Variants in ASB2 observed in about 807,000 individuals in gnomAD.
ASB2 encodes ankyrin repeat and SOCS box containing 2, also known as ankyrin repeat and SOCS box protein 2.
A neutral mutation model predicts 62.4 loss-of-function variants in ASB2; 58 were observed. That is an observed-to-expected ratio of 0.93 (90% confidence interval 0.75 to 1.16). ASB2 has a LOEUF of 1.16. Among genes scored for constraint, ASB2 ranks in the 50% most tolerant of loss-of-function variants. ASB2 has a pLI of 0.00. For missense variants in ASB2, 928 were observed against 887.9 expected, an observed-to-expected ratio of 1.05 and a Z score of -0.57; for synonymous variants, 386 against 385.3, an observed-to-expected ratio of 1.00 and a Z score of -0.02.
intron 1 of ASB2, among the ~76,000 whole-genome samples, chr14:93,974,812 G>C (rs890517792): frequency 1.3e-5 from 2 of 152,234 alleles, no homozygotes; most frequent in Non-Finnish European, 2.9e-5. Context: ...AGAGAAATCT[G>C]CACACAAGCT....
chr14:93,937,627 C>T (rs56003871), intron 9 of ASB2, 71 bp downstream of exon 9: 326,835 of 1,496,392 alleles, frequency 0.22, 40,428 homozygotes, highest in East Asian at 0.56. Flanking sequence ...AACAGTCGCA[C>T]TCCCTGAGGC....
chr14:93,937,143 C>G (rs766686187), intron 9 of ASB2, among the ~76,000 whole-genome samples: 1 of 152,208 alleles, frequency 6.6e-6, no homozygotes, highest in Admixed American at 6.5e-5. Flanking sequence ...GCAAGGCTGG[C>G]TCCAGGGTTC....
chr14:93,937,780 G>A lies in ASB2; in HGVS notation c.1689C>T (p.Tyr563=). The change falls in exon 9 of 10, where the codon TAC becomes TAT. Residue 563 remains tyrosine (Y), a synonymous_variant. Coordinates refer to ENST00000555019, the MANE Select transcript of ASB2 (RefSeq NM_001202429.2). ...AGPIIDVLLD[Y]VGNVQLCSRL... ...GCGAGCAGAGCTGCACGTTGCCCAC[G>A]TAGTCCAGGAGGACATCGATGATGG... 2 of 1,613,350 alleles carry A rather than the reference G, an allele frequency of 1.2e-6. No individual in the cohort carries two copies. Among genetic ancestry groups the A allele is most frequent in the Non-Finnish European group, 1.7e-6 (2 of 1,179,366 alleles).
chr14:93,935,926 A>T (rs936833618), intron 9 of ASB2, among the ~76,000 whole-genome samples: 1 of 152,276 alleles, frequency 6.6e-6, no homozygotes, highest in South Asian at 2.1e-4. Flanking sequence ...TGGATAAAAA[A>T]TAATGTGGTT....
At chr14:93,941,015 T>G (rs970614396) in intron 7 of ASB2, among the ~76,000 whole-genome samples, 1 of 152,208 alleles carries the variant, frequency 6.6e-6, no homozygotes, top group Admixed American at 6.5e-5. Flanking sequence ...CTTCATAATG[T>G]GTTAACTTGC....
In ASB2 at chr14:93,953,880, C is replaced by T. The variant is rs1159451635; in HGVS notation, c.479-373G>A. Among the ~76,000 whole-genome samples, 12 of 152,320 alleles carry T rather than the reference C, an allele frequency of 7.9e-5. No homozygotes were observed. The East Asian group carries it at 2.1e-3, about 27-fold the overall frequency. On this transcript the variant is annotated intron_variant, in intron 4 of 9. Transcript: ENST00000555019. ...TCAGGGCAGAGGTGACACCTGCCTGCAGGAGTTGCCCTTCTGAACCTGGCT... is the reference window on the plus strand; with the variant it reads ...TCAGGGCAGAGGTGACACCTGCCTGTAGGAGTTGCCCTTCTGAACCTGGCT...
At chr14:93,946,369 C>T (rs1269610602) in intron 7 of ASB2, among the ~76,000 whole-genome samples, 1 of 152,238 alleles carries the variant, frequency 6.6e-6, no homozygotes, top group African/African-American at 2.4e-5. Flanking sequence ...TGGAGCTTCA[C>T]CTCTGCGGCC....
chr14:93,943,370 C>T (rs1239670863), intron 7 of ASB2, among the ~76,000 whole-genome samples: 4 of 152,298 alleles, frequency 2.6e-5, no homozygotes, highest in South Asian at 2.1e-4. Context: ...GAGGGCCGGG[C>T]GCGGTGGCTC....
At chr14:93,961,088 C>T (rs1172003611) in intron 2 of ASB2, among the ~76,000 whole-genome samples, 1 of 152,168 alleles carries the variant, frequency 6.6e-6, no homozygotes, top group Non-Finnish European at 1.5e-5. Context: ...GTCTGTGAAG[C>T]AGAGGCCATC....
intron 9 of ASB2, 136 bp from the exon 10 acceptor site, chr14:93,934,928 C>T: frequency 1.4e-6 from 1 of 692,082 alleles, no homozygotes; most frequent in South Asian, 1.7e-5. Context: ...TGCTGGTCAC[C>T]CCAGTCCCTG....
At chr14:93,968,059 C>T (rs1889646731) in intron 1 of ASB2, among the ~76,000 whole-genome samples, 1 of 152,244 alleles carries the variant, frequency 6.6e-6, no homozygotes, top group Non-Finnish European at 1.5e-5. Context: ...CAGGCAGCTG[C>T]TGGCCCTGCA....
At position 93,934,397 on chromosome 14, in the gene ASB2, T is replaced by C. The variant is rs1291683584; in HGVS notation, c.*259A>G. The C allele has an allele frequency of 2.0e-6, 1 of 490,924 alleles. No individual in the cohort carries two copies. Among genetic ancestry groups the C allele is most frequent in the Admixed American group, 3.3e-5 (1 of 30,390 alleles). The allele number at this position is 490,924 out of a possible 1,614,324, so 30.4% of individuals were successfully genotyped here. On this transcript the variant is annotated 3_prime_UTR_variant, in exon 10 of 10. Coordinates refer to ENST00000555019, the MANE Select transcript of ASB2 (RefSeq NM_001202429.2). ...GCCCCAGGAATAGAGGTTTCTGCCA[T>C]TCCTGAAGGTAGAGAAGGTCTGGGA...
chr14:93,951,824 G>A (rs1398320742), intron 5 of ASB2, among the ~76,000 whole-genome samples: 2 of 152,198 alleles, frequency 1.3e-5, no homozygotes, highest in Non-Finnish European at 2.9e-5. Flanking sequence ...TCCAGCAAAG[G>A]CTACTAATTT....
chr14:93,956,286 T>TAAAC (rs1889198652), intron 3 of ASB2, among the ~76,000 whole-genome samples: 1 of 152,120 alleles, frequency 6.6e-6, no homozygotes, highest in Non-Finnish European at 1.5e-5. Flanking sequence ...TAAGGGCAAA[T>TAAAC]AAACAAAACA....
intron 1 of ASB2, among the ~76,000 whole-genome samples, chr14:93,972,760 T>C (rs1417891443): frequency 6.6e-6 from 1 of 152,188 alleles, no homozygotes; most frequent in Non-Finnish European, 1.5e-5. Flanking sequence ...TTGACCCCTA[T>C]GAGTGGCCAA....
In ASB2 at chr14:93,955,985, A is replaced by G. The variant is rs182404004; in HGVS notation, c.311+781T>C. On this transcript the variant is annotated intron_variant, in intron 3 of 9. Transcript: ENST00000555019. Reference sequence around the variant, plus strand: ...ACCACTCCACACACCCACCACACCAAGGAAGTGGAGGGCGACAGGATTTGA... The same window carrying G: ...ACCACTCCACACACCCACCACACCAGGGAAGTGGAGGGCGACAGGATTTGA... 2.6e-3 allele frequency among the ~76,000 whole-genome samples: 395 copies of G among 152,266 alleles called. 2 individuals are homozygous for G. Among genetic ancestry groups the G allele is most frequent in the Middle Eastern group, 0.014 (4 of 294 alleles).
intron 1 of ASB2, among the ~76,000 whole-genome samples, chr14:93,971,595 T>C (rs1889757650): frequency 6.6e-6 from 1 of 152,242 alleles, no homozygotes; most frequent in South Asian, 2.1e-4. Flanking sequence ...CAGATCCATG[T>C]GTCACCCTCA....
chr14:93,954,283 C>G, intron 4 of ASB2, 34 bp downstream of exon 4: 1 of 1,592,606 alleles, frequency 6.3e-7, no homozygotes, highest in Non-Finnish European at 8.6e-7. Context: ...AGTCCCTTTC[C>G]CACCTCTTGC....
At position 93,937,837 on chromosome 14, in the gene ASB2, T is replaced by C. The variant is rs1430603467; in HGVS notation, c.1632A>G (p.Val544=). The change falls in exon 9 of 10, where the codon GTA becomes GTG. Residue 544 remains valine, a synonymous_variant. Coordinates refer to ENST00000555019, the MANE Select transcript of ASB2 (RefSeq NM_001202429.2). ...CCCAGCGGCTCACCTCTGGGGCAGA[T>C]ACGAACTCACAGAACTGAAAGAGAA... is the stretch of plus-strand genomic sequence containing the variant. The part of the protein sequence containing the change: ...EPSVVQFCEF[V]SAPEVSRWAG... The C allele has an allele frequency of 6.3e-7, 1 of 1,599,110 alleles. No homozygotes were observed. The highest frequency in any genetic ancestry group is 1.1e-5 in the South Asian group (1 of 90,612).
Sources: allele counts gnomAD v4.1 joint callset (sites outside exome capture counted in the v4.1 genomes callset), GRCh38; gene constraint gnomAD v4.1.1; transcripts MANE v1.5; gene names NCBI Gene and HGNC (gene_info 2026-07-23, HGNC 2026-07-21).